The following LAMA2 variants were observed in gnomAD, a reference collection of about 807,000 sequenced individuals.
LAMA2 encodes the protein laminin subunit alpha-2.
In LAMA2, 269 loss-of-function variants were observed where a neutral mutation model predicts 364.8. That is an observed-to-expected ratio of 0.74 (90% CI 0.67 to 0.82). The LOEUF (loss-of-function observed/expected upper bound fraction) is 0.82. LAMA2 is among the 40% of genes least tolerant of loss of function. LAMA2 has a pLI of 0.00. For synonymous variants in LAMA2, 1,379 were observed against 1,370.6 expected (o/e 1.01, Z -0.14); for missense variants, 3,807 against 3,873.2 (o/e 0.98, Z 0.45).
Position 129,308,397 on chromosome 6 carries a change from C to T in LAMA2, c.3175-4464C>T, listed in dbSNP as rs368933391. ...TATCCACAGAATGCTATGATATAGC[C>T]AAACTCTAATTAAACTCTTGAAATT... On this transcript the variant is annotated intron_variant, in intron 22 of 64. Transcript: ENST00000421865. Among the ~76,000 whole-genome samples, 57 of 152,202 alleles carry T rather than the reference C, an allele frequency of 3.7e-4. No homozygotes were observed. The South Asian group carries it at 0.012, about 31-fold the overall frequency.
Position 129,393,273 on chromosome 6 carries a change from T to A in LAMA2, c.5445+18T>A. On this transcript the variant is annotated intron_variant, in intron 37 of 64. Transcript: ENST00000421865. ...CATTGGAGGTGAGTCTTAGGGGCAC[T>A]TTTATCTTAATCTCAGAAGGTTGGG... The A allele has an allele frequency of 6.3e-7, 1 of 1,583,788 alleles. No homozygotes were observed. Among genetic ancestry groups the A allele is most frequent in the Non-Finnish European group, 8.7e-7 (1 of 1,152,468 alleles).
At chr6:129,014,165 A>G (rs564722767) in intron 1 of LAMA2, among the ~76,000 whole-genome samples, 2 of 152,218 alleles carry the variant, frequency 1.3e-5, no homozygotes, top group African/African-American at 4.8e-5. Context: ...CAGTTCTGCT[A>G]TAGCCATACT....
Position 129,492,306 on chromosome 6 carries a change from TTC to T in LAMA2, c.8076-7_8076-6del. On this transcript the variant is annotated splice_polypyrimidine_tract_variant and splice_region_variant and intron_variant, in intron 57 of 64. Coordinates refer to ENST00000421865, the MANE Select transcript of LAMA2 (RefSeq NM_000426.4). ...AAATAAAAAAATCTTATTTATTACATTCTATTAGCCCCATGGACTTTGCAAGG... is the reference window on the plus strand; with the variant it reads ...AAATAAAAAAATCTTATTTATTACATTATTAGCCCCATGGACTTTGCAAGG... 6.2e-7 allele frequency: 1 copy of T among 1,613,000 alleles called. No homozygotes were observed. Among genetic ancestry groups the T allele is most frequent in the Middle Eastern group, 1.7e-4 (1 of 6,040 alleles).
At chr6:129,144,647 A>T (rs1157547480) in intron 5 of LAMA2, among the ~76,000 whole-genome samples, 1 of 152,016 alleles carries the variant, frequency 6.6e-6, no homozygotes, top group Admixed American at 6.6e-5. Context: ...GGTGATGCTG[A>T]TGTTGCCGGT....
chr6:129,053,155 C>T (rs528910433), intron 2 of LAMA2, among the ~76,000 whole-genome samples: 7 of 152,188 alleles, frequency 4.6e-5, no homozygotes, highest in African/African-American at 9.6e-5. Flanking sequence ...CTCGGCTCAC[C>T]GCAACCTCCG....
chr6:129,314,460 A>C, intron 23 of LAMA2, among the ~76,000 whole-genome samples, 195 bp from the exon 24 acceptor site: 1 of 151,764 alleles, frequency 6.6e-6, no homozygotes. Context: ...AAAATAAAGC[A>C]TTTTTAAAAG....
In LAMA2 at chr6:129,088,743, A is replaced by C. The variant is rs570568770; in HGVS notation, c.397-9430A>C. Among the ~76,000 whole-genome samples the C allele has an allele frequency of 2.3e-4, 34 of 150,936 alleles. No homozygotes were observed. The Middle Eastern group carries it at 0.01, about 46-fold the overall frequency. On this transcript the variant is annotated intron_variant, in intron 3 of 64. Transcript: ENST00000421865. The stretch of plus-strand genomic sequence containing the variant: ...CGGCTGCCGGGCAGAGGGGCTCCTC[A>C]CTTCTCAGACGCAGCGGCCGGGCAG...
chr6:129,210,024 A>AAAAAAAAAAAT (rs200129656), intron 12 of LAMA2, among the ~76,000 whole-genome samples: 18 of 145,324 alleles, frequency 1.2e-4, no homozygotes, highest in South Asian at 4.6e-4. Flanking sequence ...AAAAAAAAAA[A>AAAAAAAAAAAT]ATTTTTACTA....
chr6:128,957,649 T>A (rs966916942), intron 1 of LAMA2, among the ~76,000 whole-genome samples: 1 of 148,560 alleles, frequency 6.7e-6, no homozygotes, highest in Non-Finnish European at 1.5e-5. Context: ...TTTTTGTTGT[T>A]GTTTTTAACA....
At chr6:129,031,873 T>C (rs1786252878) in intron 1 of LAMA2, among the ~76,000 whole-genome samples, 1 of 152,142 alleles carries the variant, frequency 6.6e-6, no homozygotes. Context: ...TTGCCCAGGC[T>C]GGAGTACAGT....
At chr6:129,398,236 C>T (rs1779767605) in intron 37 of LAMA2, among the ~76,000 whole-genome samples, 1 of 152,042 alleles carries the variant, frequency 6.6e-6, no homozygotes, top group Non-Finnish European at 1.5e-5. Flanking sequence ...AAGCTAAGGG[C>T]TAAAATTGGC....
At chr6:129,434,392 G>A (rs1326918450) in intron 41 of LAMA2, among the ~76,000 whole-genome samples, 3 of 152,156 alleles carry the variant, frequency 2.0e-5, no homozygotes, top group Non-Finnish European at 2.9e-5. Context: ...GATGAGAAAG[G>A]GAGAGCCAGA....
intron 22 of LAMA2, among the ~76,000 whole-genome samples, chr6:129,310,468 A>G (rs1406496084): frequency 2.6e-5 from 4 of 152,122 alleles, no homozygotes; most frequent in African/African-American, 9.7e-5. Context: ...TGGGCTGTAG[A>G]TCTGAGAAGG....
At chr6:129,163,524 C>T (rs1779567109) in intron 8 of LAMA2, among the ~76,000 whole-genome samples, 1 of 152,128 alleles carries the variant, frequency 6.6e-6, no homozygotes, top group African/African-American at 2.4e-5. Context: ...ATATCACCTA[C>T]TCAGGAGACT....
chr6:129,006,204 T>C (rs1009430863), intron 1 of LAMA2, among the ~76,000 whole-genome samples: 1 of 152,132 alleles, frequency 6.6e-6, no homozygotes, highest in Non-Finnish European at 1.5e-5. Flanking sequence ...ATCTCCAAAA[T>C]GTGAGCCTAC....
intron 41 of LAMA2, among the ~76,000 whole-genome samples, chr6:129,433,633 A>G (rs541908018): frequency 6.6e-6 from 1 of 152,312 alleles, no homozygotes; most frequent in East Asian, 1.9e-4. Context: ...TGAATAGTCA[A>G]ATTAAACATT....
At chr6:129,514,619 C>G (rs1403539513) in intron 64 of LAMA2, 24 bp downstream of exon 64, 1 of 1,560,948 alleles carries the variant, frequency 6.4e-7, no homozygotes, top group Admixed American at 1.7e-5. Context: ...ACCCCAGCAA[C>G]AATTTCTTTG....
At chr6:129,194,240 G>A (rs983045270) in intron 12 of LAMA2, among the ~76,000 whole-genome samples, 2 of 151,504 alleles carry the variant, frequency 1.3e-5, no homozygotes, top group East Asian at 1.9e-4. Flanking sequence ...GCTCCAAGAA[G>A]AGCCTTAGGT....
intron 1 of LAMA2, among the ~76,000 whole-genome samples, chr6:128,940,544 T>C (rs1344337708): frequency 6.6e-6 from 1 of 152,216 alleles, no homozygotes; most frequent in Non-Finnish European, 1.5e-5. Flanking sequence ...GGGTAATGCA[T>C]TCATGAGTGA....
Sources: allele counts gnomAD v4.1 joint callset (sites outside exome capture counted in the v4.1 genomes callset), GRCh38; gene constraint gnomAD v4.1.1; transcripts MANE v1.5; gene names NCBI Gene and HGNC (gene_info 2026-07-23, HGNC 2026-07-21).